Variants in FGD4 observed in about 807,000 individuals in gnomAD.
FGD4 encodes the protein FYVE, RhoGEF and PH domain-containing protein 4.
Under a neutral mutation model 102.0 loss-of-function variants are expected in FGD4, and 42 were observed. The ratio of observed to expected loss-of-function variants is 0.41; its 90% CI spans 0.32 to 0.53. The LOEUF (loss-of-function observed/expected upper bound fraction) is 0.53, where lower values mean the gene tolerates loss of function less well. Among genes scored for constraint, FGD4 ranks in the 20% least tolerant of loss-of-function variants. FGD4 has a pLI of 0.21. For missense variants in FGD4, 902 were observed against 1,078.2 expected (o/e 0.84, Z 2.29); for synonymous variants, 380 against 375.7 (o/e 1.01, Z -0.13).
At chr12:32,551,542 C>G (rs192924964) in intron 1 of FGD4, among the ~76,000 whole-genome samples, 3 of 152,204 alleles carry the variant, frequency 2.0e-5, no homozygotes, top group Non-Finnish European at 2.9e-5. Flanking sequence ...CATGATTTGA[C>G]CTCAGGAAAA....
intron 1 of FGD4, among the ~76,000 whole-genome samples, chr12:32,562,849 A>G (rs1396640457): frequency 1.3e-5 from 2 of 152,210 alleles, no homozygotes; most frequent in Non-Finnish European, 2.9e-5. Flanking sequence ...CGACTTCTCA[A>G]TCTTTTCCCC....
rs1310896406 is a variant in FGD4, at chr12:32,643,508, C to T, written c.*2975C>T. 1.3e-5 allele frequency: 2 copies of T among 152,022 alleles called. No individual in the cohort carries two copies. Among genetic ancestry groups the T allele is most frequent in the African/African-American group, 4.8e-5 (2 of 41,402 alleles). The allele number at this position is 152,022 out of a possible 1,614,324, so 9.4% of individuals were successfully genotyped here. On this transcript the variant is annotated 3_prime_UTR_variant, in exon 17 of 17. Transcript: ENST00000534526. ...ACAAAGAAAATGGATAGAAAAAGCA[C>T]ATTTTGTTTTCCCTGAAGTTTAATT...
intron 1 of FGD4, among the ~76,000 whole-genome samples, chr12:32,427,890 C>CT (rs1329710308): frequency 2.6e-5 from 4 of 151,918 alleles, no homozygotes; most frequent in Admixed American, 6.6e-5. Flanking sequence ...GCAACTCCTG[C>CT]TTTTTTTTGC....
At position 32,642,380 on chromosome 12, in the gene FGD4, C is replaced by T. The variant is rs1048312823; in HGVS notation, c.*1847C>T. 1 of 151,680 alleles carries T rather than the reference C, an allele frequency of 6.6e-6. No homozygotes were observed. Among genetic ancestry groups the T allele is most frequent in the African/African-American group, 2.4e-5 (1 of 41,310 alleles). 9.4% of individuals were successfully genotyped at this position (151,680 alleles called of 1,614,324 possible). A position where few individuals can be genotyped will look rare whatever the true frequency, so the allele number is the denominator to read the frequency against. On this transcript the variant is annotated 3_prime_UTR_variant, in exon 17 of 17. Coordinates refer to ENST00000534526, the MANE Select transcript of FGD4 (RefSeq NM_001370298.3). Reference sequence around the variant, plus strand: ...TAGATGATGCTTTGGTTTTCTTAATCTCAAGAAAAGAGAAGCAATGGAAAT... The same window carrying T: ...TAGATGATGCTTTGGTTTTCTTAATTTCAAGAAAAGAGAAGCAATGGAAAT...
chr12:32,512,039 A>T (rs542651119), intron 1 of FGD4: 3 of 152,204 alleles, frequency 2.0e-5, no homozygotes, highest in Non-Finnish European at 4.4e-5. Context: ...TCTTTGAATT[A>T]TTCTTTTTTA....
Position 32,582,304 on chromosome 12 carries a change from G to T in FGD4, c.848G>T (p.Ser283Ile), listed in dbSNP as rs1208033042. 1.5e-5 allele frequency: 24 copies of T among 1,614,096 alleles called. No individual in the cohort carries two copies. Among genetic ancestry groups the T allele is most frequent in the African/African-American group, 2.7e-5 (2 of 74,942 alleles). ...ATAPASPTTD[S>I]CDGNASDSSY... is the part of the protein sequence containing the mutation. ...GCTCCTGCATCACCCACAACAGACA[G>T]CTGTGATGGAAATGCTTCTGACAGT... Residue 283 changes from serine to isoleucine, a missense_variant, in exon 4 of 17, where the codon AGC becomes ATC. Transcript: ENST00000534526.
At chr12:32,595,761 G>A (rs2136570956) in intron 4 of FGD4, among the ~76,000 whole-genome samples, 1 of 152,312 alleles carries the variant, frequency 6.6e-6, no homozygotes, top group Admixed American at 6.5e-5. Flanking sequence ...ATTGTATTAA[G>A]TTAAATCCAA....
chr12:32,547,166 G>A (rs1346530934), intron 1 of FGD4, among the ~76,000 whole-genome samples: 1 of 152,088 alleles, frequency 6.6e-6, no homozygotes. Flanking sequence ...GGCTGGGCAC[G>A]GTGGCTCAGA....
At position 32,544,575 on chromosome 12, in the gene FGD4, A is replaced by T. The variant is rs1001178252; in HGVS notation, c.167-19562A>T. Among the ~76,000 whole-genome samples, 2 of 152,254 alleles carry T rather than the reference A, an allele frequency of 1.3e-5. No homozygotes were observed. Among genetic ancestry groups the T allele is most frequent in the East Asian group, 3.9e-4 (2 of 5,180 alleles). ...GGTGAAATCCCGTCTCTACAAAAAA[A>T]TACAAAAATGAGCCGGGCGTGGTGG... On this transcript the variant is annotated intron_variant, in intron 1 of 16. Transcript: ENST00000534526. This position sits in a 1 kb window ranked among gnomAD's most constrained non-coding sequence, Gnocchi z 4.1.
chr12:32,406,096 A>G (rs1940920831), intron 1 of FGD4, among the ~76,000 whole-genome samples: 1 of 151,982 alleles, frequency 6.6e-6, no homozygotes, highest in Admixed American at 6.5e-5. Context: ...GGCATGTGCC[A>G]CCACGCCTGG....
chr12:32,562,101 T>C (rs1023615355), intron 1 of FGD4, among the ~76,000 whole-genome samples: 3 of 152,218 alleles, frequency 2.0e-5, no homozygotes, highest in African/African-American at 7.2e-5. Flanking sequence ...CCTCCTTTGT[T>C]CTTTTGAGTT....
At chr12:32,459,577 AT>A (rs1943044712) in intron 1 of FGD4, among the ~76,000 whole-genome samples, 1 of 152,204 alleles carries the variant, frequency 6.6e-6, no homozygotes, top group South Asian at 2.1e-4. Context: ...TCCTTCAAAA[AT>A]AAAGATTTGA....
At chr12:32,441,932 A>T (rs1942446992) in intron 1 of FGD4, among the ~76,000 whole-genome samples, 1 of 151,904 alleles carries the variant, frequency 6.6e-6, no homozygotes, top group Non-Finnish European at 1.5e-5. Flanking sequence ...ACTGAGTTCA[A>T]TGCCTCAAAA....
In FGD4 at chr12:32,582,418, G is replaced by A. The variant is rs374502000; in HGVS notation, c.962G>A (p.Gly321Glu). The A allele has an allele frequency of 8.7e-6, 14 of 1,613,508 alleles. No homozygotes were observed. In the African/African-American group the frequency reaches 1.7e-4, roughly 20 times the overall value. Residue 321 changes from glycine to glutamate, a missense_variant, in exon 4 of 17, where the codon GGG becomes GAG. Gly to Glu is a moderately conservative substitution (Grantham distance 98, BLOSUM62 -2). Transcript: ENST00000534526. ...ACCAAGGTACAAGAGAGGGAAAATGGGGAAAGCCCTCTGGAACTGGAGCAG... is the reference window on the plus strand; with the variant it reads ...ACCAAGGTACAAGAGAGGGAAAATGAGGAAAGCCCTCTGGAACTGGAGCAG... ...TETKVQEREN[G>E]ESPLELEQLD...
rs539710844 is a variant in FGD4, at chr12:32,440,594, C to T, written c.166+40635C>T. Among the ~76,000 whole-genome samples, 7 of 152,312 alleles carry T rather than the reference C, an allele frequency of 4.6e-5. No homozygotes were observed. The East Asian group carries it at 1.2e-3, about 25-fold the overall frequency. ...ATAACTGAACCCCTGTGGCCACTAC[C>T]ACTATGACTACACGGCGTCAGACTT... On this transcript the variant is annotated intron_variant, in intron 1 of 16. Transcript: ENST00000534526.
At chr12:32,538,434 C>T (rs1387569786) in intron 1 of FGD4, among the ~76,000 whole-genome samples, 1 of 151,948 alleles carries the variant, frequency 6.6e-6, no homozygotes, top group Non-Finnish European at 1.5e-5. Context: ...CCATTTCTTC[C>T]CTTCAGTTCT....
chr12:32,535,459 T>C (rs1484843892), intron 1 of FGD4, among the ~76,000 whole-genome samples: 1 of 152,118 alleles, frequency 6.6e-6, no homozygotes, highest in Non-Finnish European at 1.5e-5. Context: ...CACAGCTGGC[T>C]CCGTTCCCAG....
intron 1 of FGD4, among the ~76,000 whole-genome samples, chr12:32,465,552 C>G (rs1192315318): frequency 1.3e-5 from 2 of 152,074 alleles, no homozygotes; most frequent in African/African-American, 4.8e-5. Flanking sequence ...CCTGTAGTCC[C>G]AGCTACTCGG....
Position 32,633,656 on chromosome 12 carries a change from C to T in FGD4, c.2280C>T (p.Asp760=), listed in dbSNP as rs1260187981. 2 of 1,607,148 alleles carry T rather than the reference C, an allele frequency of 1.2e-6. No individual in the cohort carries two copies. The highest frequency in any genetic ancestry group is 1.7e-6 in the Non-Finnish European group (2 of 1,173,868). ...ATCAAATCATAAGTGGATTCACAGA[C>T]AGTGAAGAAAAGAAAAGAAAAGGAA... is the stretch of plus-strand genomic sequence containing the variant. ...DCYQIISGFT[D]SEEKKRKGIL... Residue 760 remains aspartate, a synonymous_variant, in exon 15 of 17, where the codon GAC becomes GAT. Coordinates refer to ENST00000534526, the MANE Select transcript of FGD4 (RefSeq NM_001370298.3).
Sources: gnomAD v4.1 joint callset for allele counts (sites outside exome capture counted in the v4.1 genomes callset) on GRCh38, gnomAD v4.1.1 for gene constraint, Gnocchi (gnomAD v3.1) non-coding constraint, MANE v1.5 for transcripts, NCBI Gene and HGNC (gene_info 2026-07-23, HGNC 2026-07-21) for gene names.